ETV6: variants seen among roughly 807,000 people sequenced by gnomAD.
The protein encoded by ETV6 is ETS variant transcription factor 6.
Under a neutral mutation model 51.1 loss-of-function variants are expected in ETV6, and 16 were observed. The ratio of observed to expected loss-of-function variants is 0.31; its 90% CI spans 0.21 to 0.48. The LOEUF is 0.48. ETV6 is among the 20% of genes least tolerant of loss of function. ETV6 has a pLI of 0.99. For missense variants in ETV6, 458 were observed against 594.8 expected (o/e 0.77, Z 2.39); for synonymous variants, 240 against 224.1 (o/e 1.07, Z -0.64).
At chr12:11,888,825 C>T (rs761424110) in intron 7 of ETV6, among the ~76,000 whole-genome samples, 42 of 152,266 alleles carry the variant, frequency 2.8e-4, no homozygotes, top group Middle Eastern at 3.4e-3. Flanking sequence ...CCTCAGCCTC[C>T]GGAGTAGCTA....
At chr12:11,667,851 G>A (rs1326461740) in intron 1 of ETV6, among the ~76,000 whole-genome samples, 6 of 151,520 alleles carry the variant, frequency 4.0e-5, no homozygotes, top group Admixed American at 2.0e-4. Context: ...ACAGGTGCAC[G>A]CTGCCACGCC....
chr12:11,846,337 G>GT (rs1946463208), intron 3 of ETV6, among the ~76,000 whole-genome samples: 2 of 152,146 alleles, frequency 1.3e-5, no homozygotes, highest in Admixed American at 6.5e-5. Context: ...TAATCTACGT[G>GT]TAAGGATATG....
At chr12:11,683,774 G>A (rs562846397) in intron 1 of ETV6, among the ~76,000 whole-genome samples, 54 of 152,278 alleles carry the variant, frequency 3.5e-4, no homozygotes, top group Non-Finnish European at 7.1e-4. Flanking sequence ...CTCAGAAACA[G>A]ATTGCCCCCA....
intron 1 of ETV6, among the ~76,000 whole-genome samples, chr12:11,677,996 C>G (rs949738109): frequency 4.6e-5 from 7 of 152,208 alleles, no homozygotes; most frequent in Non-Finnish European, 8.8e-5. Context: ...TGCTTCTGTT[C>G]CTGCACTTGT....
chr12:11,686,998 G>T (rs909287156), intron 1 of ETV6, among the ~76,000 whole-genome samples: 2 of 152,036 alleles, frequency 1.3e-5, no homozygotes, highest in African/African-American at 4.8e-5. Context: ...TGATTCTCCT[G>T]CCTCTGCCTC....
chr12:11,761,294 C>G (rs1340777609), intron 2 of ETV6, among the ~76,000 whole-genome samples: 2 of 152,040 alleles, frequency 1.3e-5, no homozygotes, highest in Non-Finnish European at 2.9e-5. Flanking sequence ...AGCTATAAAC[C>G]AAATTATCTT....
chr12:11,810,757 T>C (rs1945900842), intron 2 of ETV6, among the ~76,000 whole-genome samples: 1 of 152,224 alleles, frequency 6.6e-6, no homozygotes, highest in South Asian at 2.1e-4. Flanking sequence ...GAAACTATTA[T>C]TATCTCTTTG....
chr12:11,812,329 C>G (rs752937190), intron 2 of ETV6, among the ~76,000 whole-genome samples: 3 of 152,180 alleles, frequency 2.0e-5, no homozygotes, highest in African/African-American at 7.2e-5. Context: ...TGCTGTTACA[C>G]TAGATCACAA....
At chr12:11,743,695 TA>T (rs1865852324) in intron 1 of ETV6, among the ~76,000 whole-genome samples, 1 of 152,248 alleles carries the variant, frequency 6.6e-6, no homozygotes, top group African/African-American at 2.4e-5. Context: ...ATTTAAGCTC[TA>T]GACATTTCGA....
At chr12:11,677,437 G>A (rs1375727578) in intron 1 of ETV6, among the ~76,000 whole-genome samples, 1 of 152,188 alleles carries the variant, frequency 6.6e-6, no homozygotes, top group African/African-American at 2.4e-5. Context: ...CATACACTCT[G>A]TCTTTGGCCT....
intron 1 of ETV6, among the ~76,000 whole-genome samples, chr12:11,670,356 C>T (rs988892950): frequency 2.6e-5 from 4 of 152,120 alleles, no homozygotes; most frequent in African/African-American, 7.2e-5. Flanking sequence ...AGTCTTACTT[C>T]GTTTGGGTAA....
Position 11,883,276 on chromosome 12 carries a change from C to CTTCTTCTTTTTTTTTTTTTTTTTT in ETV6, c.1010-1167_1010-1166insCTTCTTTTTTTTTTTTTTTTTTTT, listed in dbSNP as rs776231778. On this transcript the variant is annotated intron_variant, in intron 5 of 7. Transcript: ENST00000396373. ...GGGAAGGTGTACATCATGTCTTCTT[C>CTTCTTCTTTTTTTTTTTTTTTTTT]TTTTTTTTTTTTTTTTTTTTTTTTT... 7.6e-5 allele frequency among the ~76,000 whole-genome samples: 6 copies of CTTCTTCTTTTTTTTTTTTTTTTTT among 79,116 alleles called. 1 individual carries two copies. The highest frequency in any genetic ancestry group is 8.7e-5 in the Non-Finnish European group (4 of 46,108). The allele number at this position is 79,116 out of a possible 152,430, so 51.9% of individuals were successfully genotyped here.
intron 1 of ETV6, among the ~76,000 whole-genome samples, chr12:11,669,901 C>T (rs924105904): frequency 2.0e-5 from 3 of 152,092 alleles, no homozygotes; most frequent in African/African-American, 7.2e-5. Context: ...AGCAGGTGTG[C>T]CTCATCCCCT....
chr12:11,752,900 T>G, intron 2 of ETV6: 1 of 222,424 alleles, frequency 4.5e-6, no homozygotes, highest in African/African-American at 2.3e-5. Context: ...GTGCAAAGTT[T>G]ATCTGTATTC....
chr12:11,830,776 C>T (rs1367237846), intron 2 of ETV6, among the ~76,000 whole-genome samples: 2 of 152,212 alleles, frequency 1.3e-5, no homozygotes, highest in Non-Finnish European at 2.9e-5. Context: ...ACTCTTAACA[C>T]ATGTACCTAA....
At chr12:11,791,033 T>C (rs566192545) in intron 2 of ETV6, among the ~76,000 whole-genome samples, 2 of 152,276 alleles carry the variant, frequency 1.3e-5, no homozygotes, top group Admixed American at 6.5e-5. Flanking sequence ...GACTCGACTG[T>C]CCAGATTTTC....
At chr12:11,851,063 G>A (rs1946545847) in intron 3 of ETV6, among the ~76,000 whole-genome samples, 1 of 151,996 alleles carries the variant, frequency 6.6e-6, no homozygotes, top group Non-Finnish European at 1.5e-5. Flanking sequence ...AGGTCACCTG[G>A]TGCACAGGAG....
chr12:11,778,783 A>G (rs1945371464), intron 2 of ETV6, among the ~76,000 whole-genome samples: 1 of 152,184 alleles, frequency 6.6e-6, no homozygotes, highest in Admixed American at 6.5e-5. Context: ...TATAAAAGCT[A>G]AGTTCTTTCT....
rs1240104558 is a variant in ETV6 at position 11,732,529 on chromosome 12, C to T, written c.34-19921C>T. 2.0e-5 allele frequency among the ~76,000 whole-genome samples: 3 copies of T among 152,202 alleles called. No homozygotes were observed. In the East Asian group the frequency reaches 5.8e-4, roughly 29 times the overall value. ...TACTCTGGAGAAGGACGTTGTCCTTCAAGTACAAACCTTTTCACCGACTTG... is the reference window on the plus strand; with the variant it reads ...TACTCTGGAGAAGGACGTTGTCCTTTAAGTACAAACCTTTTCACCGACTTG... On this transcript the variant is annotated intron_variant, in intron 1 of 7. Coordinates refer to ENST00000396373, the MANE Select transcript of ETV6 (RefSeq NM_001987.5).
Sources: gnomAD v4.1 joint callset for allele counts (sites outside exome capture counted in the v4.1 genomes callset) on GRCh38, gnomAD v4.1.1 for gene constraint, MANE v1.5 for transcripts, NCBI Gene and HGNC (gene_info 2026-07-23, HGNC 2026-07-21) for gene names.